DAB1: variants seen among roughly 807,000 people sequenced by gnomAD.
The protein encoded by DAB1 is DAB adaptor protein 1.
In DAB1, 15 loss-of-function variants were observed where a neutral mutation model predicts 64.6. The observed-to-expected ratio is 0.23, with a 90% CI of 0.16 to 0.36. The LOEUF (loss-of-function observed/expected upper bound fraction) is 0.36, where lower values mean the gene tolerates loss of function less well. Ranked by LOEUF, DAB1 falls within the 10% of genes least tolerant of loss-of-function variation. DAB1 has a pLI of 1.00. For missense variants in DAB1, 596 were observed against 706.7 expected, an observed-to-expected ratio of 0.84 and a Z score of 1.78; for synonymous variants, 235 against 251.9, an observed-to-expected ratio of 0.93 and a Z score of 0.64.
Position 57,283,273 on chromosome 1 carries a change from C to T in DAB1, c.67+7691G>A, listed in dbSNP as rs141954234. On this transcript the variant is annotated intron_variant, in intron 2 of 14. Coordinates refer to ENST00000371236, the MANE Select transcript of DAB1 (RefSeq NM_001365792.1). ...TTTTCCTTTGTACTTCTTATTCATT[C>T]CCTCAGTTATTCTTGGAGCAAGTAT... is the stretch of plus-strand genomic sequence containing the variant. Among the ~76,000 whole-genome samples the T allele has an allele frequency of 5.3e-5, 8 of 152,254 alleles. No homozygotes were observed. The East Asian group carries it at 1.5e-3, about 29-fold the overall frequency.
chr1:57,853,606 T>C (rs852797), intron 1 of DAB1, among the ~76,000 whole-genome samples: 59,142 of 151,992 alleles, frequency 0.39, 12,516 homozygotes, highest in Non-Finnish European at 0.49. Context: ...ATAAATGAAT[T>C]AATGAATAAG....
chr1:57,420,556 C>T (rs1256343719), intron 1 of DAB1, among the ~76,000 whole-genome samples: 1 of 152,182 alleles, frequency 6.6e-6, no homozygotes, highest in Non-Finnish European at 1.5e-5. Flanking sequence ...GGTGACTTGC[C>T]AAACATCACA....
chr1:57,168,388 A>G (rs1040659105), intron 2 of DAB1, among the ~76,000 whole-genome samples: 5 of 152,168 alleles, frequency 3.3e-5, no homozygotes, highest in Non-Finnish European at 7.4e-5. Flanking sequence ...TTCCCATTGG[A>G]ATGACACCTC....
At chr1:57,363,041 A>G (rs1351430014) in intron 1 of DAB1, among the ~76,000 whole-genome samples, 4 of 152,316 alleles carry the variant, frequency 2.6e-5, no homozygotes, top group East Asian at 1.9e-4. Flanking sequence ...ATTCCTTACA[A>G]TGAATTTGCC....
intron 6 of DAB1, among the ~76,000 whole-genome samples, chr1:57,755,500 T>C (rs745991032): frequency 6.6e-6 from 1 of 152,234 alleles, no homozygotes; most frequent in Non-Finnish European, 1.5e-5. Context: ...TGAAATTTTC[T>C]GGTTTTTAAA....
At chr1:57,309,167 T>TA (rs998794688) in intron 1 of DAB1, among the ~76,000 whole-genome samples, 2 of 152,218 alleles carry the variant, frequency 1.3e-5, no homozygotes, top group Admixed American at 6.5e-5. Flanking sequence ...ACCCCTGGCC[T>TA]AGAGTCTTTA....
intron 2 of DAB1, among the ~76,000 whole-genome samples, chr1:57,158,515 A>C (rs1444064491): frequency 2.0e-5 from 3 of 152,222 alleles, no homozygotes; most frequent in Non-Finnish European, 4.4e-5. Flanking sequence ...GCTGTCAAAC[A>C]TCATTCTGTC....
At chr1:58,545,604 T>A (rs566542691) in intron 1 of DAB1, among the ~76,000 whole-genome samples, 1 of 152,314 alleles carries the variant, frequency 6.6e-6, no homozygotes, top group South Asian at 2.1e-4. Flanking sequence ...AAATTAATGA[T>A]GTGAGAAAAT....
chr1:57,194,891 C>G (rs1179592866), intron 2 of DAB1, among the ~76,000 whole-genome samples: 1 of 152,220 alleles, frequency 6.6e-6, no homozygotes, highest in Non-Finnish European at 1.5e-5. Context: ...AACACAGCAT[C>G]CTGAGGCTTT....
chr1:57,092,866 A>G (rs1653819735), intron 4 of DAB1, among the ~76,000 whole-genome samples: 1 of 152,180 alleles, frequency 6.6e-6, no homozygotes, highest in South Asian at 2.1e-4. Context: ...TCTTATCCTT[A>G]AAGAATAAAA....
intron 7 of DAB1, among the ~76,000 whole-genome samples, chr1:57,538,048 C>T (rs1489600796): frequency 6.6e-6 from 1 of 152,112 alleles, no homozygotes; most frequent in Non-Finnish European, 1.5e-5. Context: ...GACATCCACC[C>T]CAGTGACCTA....
intron 8 of DAB1, among the ~76,000 whole-genome samples, chr1:57,064,227 A>ACTC (rs1650687250): frequency 2.0e-5 from 3 of 152,156 alleles, no homozygotes; most frequent in Admixed American, 2.0e-4. Flanking sequence ...CTTTGCAATA[A>ACTC]CTCTAAGAAA....
intron 6 of DAB1, among the ~76,000 whole-genome samples, chr1:57,700,707 A>T (rs2101729801): frequency 6.6e-6 from 1 of 152,226 alleles, no homozygotes; most frequent in Admixed American, 6.5e-5. Context: ...TGACTTTTCT[A>T]TGCCTGAAAG....
chr1:58,042,521 A>C (rs1339912829), intron 5 of DAB1, among the ~76,000 whole-genome samples: 2 of 152,156 alleles, frequency 1.3e-5, no homozygotes, highest in South Asian at 4.1e-4. Flanking sequence ...AACTACACAT[A>C]CTGAGCGATA....
chr1:57,257,599 T>C lies in DAB1; in HGVS notation c.67+33365A>G, dbSNP rs532706568. On this transcript the variant is annotated intron_variant, in intron 2 of 14. Coordinates refer to ENST00000371236, the MANE Select transcript of DAB1 (RefSeq NM_001365792.1). Reference sequence around the variant, plus strand: ...ATTTCTCTTTCTATTTGTATTTGTCTCCTATGTGATTGTAATAAATTCCCC... The same window carrying C: ...ATTTCTCTTTCTATTTGTATTTGTCCCCTATGTGATTGTAATAAATTCCCC... Among the ~76,000 whole-genome samples, 16 of 152,320 alleles carry C rather than the reference T, an allele frequency of 1.1e-4. 1 individual carries two copies. Among genetic ancestry groups the C allele is most frequent in the African/African-American group, 3.8e-4 (16 of 41,578 alleles).
At chr1:58,470,842 A>C (rs1645349557) in intron 3 of DAB1, among the ~76,000 whole-genome samples, 1 of 152,074 alleles carries the variant, frequency 6.6e-6, no homozygotes, top group Non-Finnish European at 1.5e-5. Context: ...GCCCAGTGTC[A>C]AGAGCTCTTC....
intron 4 of DAB1, among the ~76,000 whole-genome samples, chr1:58,309,214 A>G (rs1321166490): frequency 6.6e-6 from 1 of 152,198 alleles, no homozygotes; most frequent in African/African-American, 2.4e-5. Flanking sequence ...TACACAAACA[A>G]TCTCATGGTT....
rs367897659 is a variant in DAB1, at chr1:57,922,845, C to CAAAAAAAA, written n.388-38691_388-38684dup. Among the ~76,000 whole-genome samples the CAAAAAAAA allele has an allele frequency of 6.4e-4, 29 of 45,006 alleles. 1 individual carries two copies. The highest frequency in any genetic ancestry group is 2.9e-3 in the African/African-American group (26 of 8,852). 29.5% of individuals were successfully genotyped at this position (45,006 alleles called of 152,430 possible). ...TGGGTGACAAAGCGAGACTCCATCT[C>CAAAAAAAA]AAAAAAAAAAAAAAAAAAAAAAAGA... On this transcript the variant is annotated intron_variant and non_coding_transcript_variant, in intron 5 of 20. Transcript: ENST00000485760.
At chr1:57,082,607 G>A (rs1652654681) in intron 4 of DAB1, among the ~76,000 whole-genome samples, 1 of 152,086 alleles carries the variant, frequency 6.6e-6, no homozygotes, top group South Asian at 2.1e-4. Context: ...GTGTACCATG[G>A]TGGTACTTAT....
Sources: gnomAD v4.1 joint callset for allele counts (sites outside exome capture counted in the v4.1 genomes callset) on GRCh38, gnomAD v4.1.1 for gene constraint, MANE v1.5 for transcripts, NCBI Gene and HGNC (gene_info 2026-07-23, HGNC 2026-07-21) for gene names.